Variants in PTPRD observed in about 807,000 individuals in gnomAD.
PTPRD encodes protein tyrosine phosphatase receptor type D.
A neutral mutation model predicts 214.5 loss-of-function variants in PTPRD; 34 were observed. The observed-to-expected ratio is 0.16, with a 90% CI of 0.12 to 0.21. The LOEUF (loss-of-function observed/expected upper bound fraction) is 0.21, where lower values mean the gene tolerates loss of function less well. Among genes scored for constraint, PTPRD ranks in the 10% least tolerant of loss-of-function variants. The pLI is 1.00. For missense variants in PTPRD, 2,545 were observed against 2,398.7 expected (o/e 1.06, Z -1.27); for synonymous variants, 1,128 against 845.7 (o/e 1.33, Z -5.79).
intron 2 of PTPRD, among the ~76,000 whole-genome samples, chr9:10,534,291 T>A (rs1365057037): frequency 6.6e-6 from 1 of 151,948 alleles, no homozygotes. Flanking sequence ...ATACAGCATA[T>A]TAGATAAATT....
intron 11 of PTPRD, among the ~76,000 whole-genome samples, chr9:8,941,807 TTTGTTTG>T (rs1267815573): frequency 1.4e-4 from 22 of 151,978 alleles, no homozygotes; most frequent in African/African-American, 5.3e-4. Context: ...TGTTTGTTTG[TTTGTTTG>T]TTTGTTTTGA....
At chr9:9,679,789 T>G (rs1309063131) in intron 7 of PTPRD, among the ~76,000 whole-genome samples, 1 of 151,930 alleles carries the variant, frequency 6.6e-6, no homozygotes, top group African/African-American at 2.4e-5. Context: ...TTTCAGTGAC[T>G]CAAAGATGTT....
intron 2 of PTPRD, among the ~76,000 whole-genome samples, chr9:10,420,056 C>T (rs1385643883): frequency 6.6e-6 from 1 of 150,798 alleles, no homozygotes; most frequent in Non-Finnish European, 1.5e-5. Context: ...TCTATTGTAT[C>T]CTAAGAATGA....
At chr9:10,450,839 T>G (rs991253999) in intron 2 of PTPRD, among the ~76,000 whole-genome samples, 2 of 151,960 alleles carry the variant, frequency 1.3e-5, no homozygotes, top group African/African-American at 4.8e-5. Flanking sequence ...CTGTTATTAT[T>G]TGGGGGGCAC....
At chr9:10,019,362 A>G (rs990951738) in intron 4 of PTPRD, among the ~76,000 whole-genome samples, 11 of 152,320 alleles carry the variant, frequency 7.2e-5, no homozygotes, top group African/African-American at 2.6e-4. Context: ...TGTGGAAGTC[A>G]GTGTGGCGAT....
chr9:10,278,875 A>C lies in PTPRD; in HGVS notation c.-545+62088T>G, dbSNP rs183293553. Among the ~76,000 whole-genome samples the C allele has an allele frequency of 1.5e-3, 235 of 152,136 alleles. 2 individuals are homozygous for C. The highest frequency in any genetic ancestry group is 0.011 in the South Asian group (55 of 4,796). Reference sequence around the variant, plus strand: ...CTGCAAGCTCCGTCTCCTTGGTTCAAGCCATTCTCCTGCCTCAGCCTCCCG... The same window carrying C: ...CTGCAAGCTCCGTCTCCTTGGTTCACGCCATTCTCCTGCCTCAGCCTCCCG... On this transcript the variant is annotated intron_variant, in intron 3 of 45. Coordinates refer to ENST00000381196, the MANE Select transcript of PTPRD (RefSeq NM_002839.4).
intron 11 of PTPRD, among the ~76,000 whole-genome samples, chr9:8,735,059 C>T (rs1471733778): frequency 1.3e-5 from 2 of 151,584 alleles, no homozygotes; most frequent in Non-Finnish European, 2.9e-5. Flanking sequence ...AGAACAGATG[C>T]GTGAGTACTA....
chr9:10,304,697 A>T (rs1285323808), intron 3 of PTPRD, among the ~76,000 whole-genome samples: 1 of 152,182 alleles, frequency 6.6e-6, no homozygotes, highest in African/African-American at 2.4e-5. Flanking sequence ...AATCTAACTT[A>T]CAAGGTATGT....
At chr9:8,750,498 A>G (rs1261850521) in intron 11 of PTPRD, among the ~76,000 whole-genome samples, 3 of 152,116 alleles carry the variant, frequency 2.0e-5, no homozygotes, top group Non-Finnish European at 4.4e-5. Context: ...TGCTCGAAAG[A>G]AAATTCAGCA....
At chr9:8,836,586 CCT>C (rs2097427516) in intron 11 of PTPRD, among the ~76,000 whole-genome samples, 2 of 105,290 alleles carry the variant, frequency 1.9e-5, no homozygotes, top group Non-Finnish European at 3.8e-5. Context: ...TTAATAAAAA[CCT>C]TTTTTTTTTT....
intron 5 of PTPRD, among the ~76,000 whole-genome samples, chr9:9,880,462 T>G (rs925277504): frequency 6.6e-6 from 1 of 152,340 alleles, no homozygotes; most frequent in Non-Finnish European, 1.5e-5. Context: ...ATATCACCAT[T>G]ATCACTGTGT....
At chr9:8,966,040 C>T (rs1053589848) in intron 11 of PTPRD, among the ~76,000 whole-genome samples, 1 of 152,012 alleles carries the variant, frequency 6.6e-6, no homozygotes, top group Non-Finnish European at 1.5e-5. Flanking sequence ...TTTATAATAG[C>T]TGCACATGCA....
intron 14 of PTPRD, among the ~76,000 whole-genome samples, chr9:8,632,761 T>G (rs771736051): frequency 2.6e-5 from 4 of 152,142 alleles, no homozygotes; most frequent in South Asian, 4.1e-4. Flanking sequence ...AGAAAGGGAT[T>G]TGTCAGCCCA....
intron 11 of PTPRD, among the ~76,000 whole-genome samples, chr9:8,985,851 T>C (rs2099341631): frequency 6.6e-6 from 1 of 152,080 alleles, no homozygotes; most frequent in Admixed American, 6.6e-5. Context: ...ATTATGTTCA[T>C]GCACACCTAA....
chr9:8,818,207 T>C (rs62530577), intron 11 of PTPRD, among the ~76,000 whole-genome samples: 20,808 of 152,242 alleles, frequency 0.14, 1,625 homozygotes, highest in East Asian at 0.25. Context: ...TAATTGACTT[T>C]AAACATAAAA....
chr9:8,351,561 T>A (rs373449352), intron 39 of PTPRD, among the ~76,000 whole-genome samples: 4 of 151,902 alleles, frequency 2.6e-5, no homozygotes, highest in African/African-American at 9.7e-5. Flanking sequence ...GGAACCTAAT[T>A]AACTCTAGCT....
intron 4 of PTPRD, among the ~76,000 whole-genome samples, chr9:10,024,737 G>C (rs866649253): frequency 2.0e-5 from 3 of 148,502 alleles, no homozygotes; most frequent in African/African-American, 5.0e-5. Context: ...CCATTAACTC[G>C]TCATTTAGCA....
At chr9:9,746,544 ATTG>A (rs1201530717) in intron 6 of PTPRD, among the ~76,000 whole-genome samples, 1 of 152,204 alleles carries the variant, frequency 6.6e-6, no homozygotes, top group Admixed American at 6.5e-5. Context: ...AATTCTTAAA[ATTG>A]TTTCACGTAA....
At chr9:8,425,911 A>G (rs2094633996) in intron 35 of PTPRD, among the ~76,000 whole-genome samples, 1 of 152,190 alleles carries the variant, frequency 6.6e-6, no homozygotes, top group Non-Finnish European at 1.5e-5. Context: ...TAATGTGGAT[A>G]TAATTTCCAG....
Sources: gnomAD v4.1 joint callset for allele counts (sites outside exome capture counted in the v4.1 genomes callset) on GRCh38, gnomAD v4.1.1 for gene constraint, MANE v1.5 for transcripts, NCBI Gene and HGNC (gene_info 2026-07-23, HGNC 2026-07-21) for gene names.